The following GEMIN4 variants were observed in gnomAD, a reference collection of about 807,000 sequenced individuals.
GEMIN4 encodes gem nuclear organelle associated protein 4, also known as gem-associated protein 4.
Under a neutral mutation model 76.8 loss-of-function variants are expected in GEMIN4, and 59 were observed. That is an observed-to-expected ratio of 0.77 (90% CI 0.62 to 0.95). GEMIN4 has a LOEUF of 0.95. GEMIN4 is among the 40% of genes least tolerant of loss of function. GEMIN4 has a pLI of 0.00. For missense variants in GEMIN4, 1,311 were observed against 1,318.9 expected (o/e 0.99, Z 0.09); for synonymous variants, 562 against 559.7 (o/e 1.00, Z -0.06).
intron 1 of GEMIN4, chr17:750,081 T>C: frequency 2.7e-6 from 2 of 744,438 alleles, no homozygotes; most frequent in Non-Finnish European, 3.3e-6. Flanking sequence ...TCTGGCCAGG[T>C]TCAGTGGCTA....
At chr17:748,585 G>T in intron 1 of GEMIN4, 1 of 182,812 alleles carries the variant, frequency 5.5e-6, no homozygotes, top group Non-Finnish European at 1.2e-5. Flanking sequence ...AACTACAGGG[G>T]CCACTGAGCA....
At position 749,763 on chromosome 17, in the gene GEMIN4, T is replaced by A. The variant is rs141989651; in HGVS notation, c.11-1731A>T. ...GAGCAATCACATAGCCACAGAGCAA[T>A]GGGCACAGAAGGAATCAGACAAGCC... On this transcript the variant is annotated intron_variant, in intron 1 of 1. Transcript: ENST00000319004. 3.2e-5 allele frequency: 31 copies of A among 960,854 alleles called. No homozygotes were observed. In the African/African-American group the frequency reaches 5.5e-4, roughly 17 times the overall value. 59.5% of individuals were successfully genotyped at this position (960,854 alleles called of 1,614,324 possible).
upstream of GEMIN4, chr17:753,164 G>T (rs1904849860): frequency 8.2e-6 from 1 of 121,948 alleles, no homozygotes; most frequent in Admixed American, 7.9e-5. Flanking sequence ...ACAAAGGGGC[G>T]TGCAAGATGG....
chr17:752,386 G>A, upstream of GEMIN4: 6 of 896,480 alleles, frequency 6.7e-6, no homozygotes, highest in East Asian at 3.4e-5. Context: ...TCAGGTACCC[G>A]GACGTCGCTC....
rs890703589 is a variant in GEMIN4, at chr17:746,070, G to A, written c.1973C>T (p.Pro658Leu). The A allele has an allele frequency of 1.2e-6, 2 of 1,613,838 alleles. No individual in the cohort carries two copies. The highest frequency in any genetic ancestry group is 2.7e-5 in the African/African-American group (2 of 74,926). The change falls in exon 2 of 2, where the codon CCT becomes CTT. Residue 658 changes from proline (P) to leucine (L), a missense_variant. Physicochemically the swap from Pro to Leu is moderately conservative, Grantham distance 98 (BLOSUM62 -3). Around this residue, in one of 2 missense-constraint regions of GEMIN4, gnomAD observed 1,208 missense variants for 1,166.9 expected, o/e 1.04. Coordinates refer to ENST00000319004, the MANE Select transcript of GEMIN4 (RefSeq NM_015721.3). The surrounding 1 kb of genome is among the most constrained non-coding windows in gnomAD (Gnocchi z 4.3). ...CTCTTCAACATCTAACCTCAAGAAA[G>A]GCAGGACAAATTCCTTCAGCACCTC... ...PDEVLKEFVL[P>L]FLRLDVEEVD...
chr17:751,827 G>A, intron 1 of GEMIN4: 1 of 358,968 alleles, frequency 2.8e-6, no homozygotes. Context: ...AGGGGTGCTC[G>A]GAGGGAGCCC....
At chr17:748,504 G>A (rs67456235) in intron 1 of GEMIN4, 33,962 of 175,536 alleles carry the variant, frequency 0.19, 3,883 homozygotes, top group Non-Finnish European at 0.25. Flanking sequence ...CTGCTGAGGC[G>A]AGACCCTCCA....
chr17:751,402 T>A (rs1046466550), intron 1 of GEMIN4, among the ~76,000 whole-genome samples: 1 of 151,884 alleles, frequency 6.6e-6, no homozygotes, highest in Non-Finnish European at 1.5e-5. Context: ...ACCAGACCAT[T>A]TCCCCCCAGC....
intron 1 of GEMIN4, chr17:748,585 G>A (rs1904414933): frequency 5.5e-6 from 1 of 182,812 alleles, no homozygotes; most frequent in Non-Finnish European, 1.2e-5. Context: ...AACTACAGGG[G>A]CCACTGAGCA....
In GEMIN4 at chr17:748,281, G is replaced by A. The variant is rs558029186; in HGVS notation, c.11-249C>T. ...CCAGGTGACATCACATACAGGGAATGGAGGAGAATCAGAGCAGGTGTGAGG... is the reference window on the plus strand; with the variant it reads ...CCAGGTGACATCACATACAGGGAATAGAGGAGAATCAGAGCAGGTGTGAGG... On this transcript the variant is annotated intron_variant, in intron 1 of 1. Coordinates refer to ENST00000319004, the MANE Select transcript of GEMIN4 (RefSeq NM_015721.3). 274 of 511,390 alleles carry A rather than the reference G, an allele frequency of 5.4e-4. 1 individual carries two copies. Among genetic ancestry groups the A allele is most frequent in the African/African-American group, 4.9e-3 (254 of 52,090 alleles). 31.7% of individuals were successfully genotyped at this position (511,390 alleles called of 1,614,324 possible). A position where few individuals can be genotyped will look rare whatever the true frequency, so the allele number is the denominator to read the frequency against.
chr17:747,486 G>A lies in GEMIN4; in HGVS notation c.557C>T (p.Ala186Val), dbSNP rs2144173623. ...ATCTAAGGCAGGCAGGTACTTATGG[G>A]CCATTGCACTAAACTGGGAGAGCAG... Reference protein sequence around the residue: ...DPLLSQFSAMAHKYLPALDEF... With the variant: ...DPLLSQFSAMVHKYLPALDEF... The change falls in exon 2 of 2, where the codon GCC becomes GTC. Residue 186 changes from alanine to valine, a missense_variant. Physicochemically the swap from Ala to Val is moderately conservative, Grantham distance 64. Transcript: ENST00000319004. 1 of 1,613,790 alleles carries A rather than the reference G, an allele frequency of 6.2e-7. No individual in the cohort carries two copies. Among genetic ancestry groups the A allele is most frequent in the Non-Finnish European group, 8.5e-7 (1 of 1,179,764 alleles).
chr17:746,922 T>A lies in GEMIN4; in HGVS notation c.1121A>T (p.Gln374Leu). The change falls in exon 2 of 2, where the codon CAG (glutamine) becomes CTG (leucine). Residue 374 changes from glutamine to leucine, a missense_variant. By Grantham distance (113) the Gln-to-Leu change is moderately radical. Transcript: ENST00000319004. This position sits in a 1 kb window ranked among gnomAD's most constrained non-coding sequence, Gnocchi z 4.3. ...NRTSLSKEDR[Q>L]VVSELAECVR... The stretch of plus-strand genomic sequence containing the variant: ...ACACTCCGCCAGCTCAGAGACCACC[T>A]GCCTGTCCTCCTTGGACAGGCTGGT... 1 of 1,613,620 alleles carries A rather than the reference T, an allele frequency of 6.2e-7. No homozygotes were observed. Among genetic ancestry groups the A allele is most frequent in the Non-Finnish European group, 8.5e-7 (1 of 1,179,698 alleles).
Position 746,976 on chromosome 17 carries a change from C to T in GEMIN4, c.1067G>A (p.Ser356Asn). ...GTTCAGGTAGAGCGTCGCGTTCTGGCTGAAGGAAGTCAGACTGTCGCACAG... is the reference window on the plus strand; with the variant it reads ...GTTCAGGTAGAGCGTCGCGTTCTGGTTGAAGGAAGTCAGACTGTCGCACAG... ...YRLCDSLTSF[S>N]QNATLYLNRT... The change falls in exon 2 of 2, where the codon AGC becomes AAC. Residue 356 changes from serine to asparagine, a missense_variant. Ser to Asn is a conservative substitution (Grantham distance 46, BLOSUM62 1). Coordinates refer to ENST00000319004, the MANE Select transcript of GEMIN4 (RefSeq NM_015721.3). This position sits in a 1 kb window ranked among gnomAD's most constrained non-coding sequence, Gnocchi z 4.3. The T allele has an allele frequency of 6.2e-7, 1 of 1,613,236 alleles. No individual in the cohort carries two copies. Among genetic ancestry groups the T allele is most frequent in the East Asian group, 2.2e-5 (1 of 44,876 alleles).
Position 747,151 on chromosome 17 carries a change from G to C in GEMIN4, c.892C>G (p.Arg298Gly), listed in dbSNP as rs201812530. ...ALAEKVKEAE[R>G]DVSLTSLAKL... ...GCCAGCGAGGTCAGGCTGACATCCC[G>C]TTCTGCCTCCTTCACCTTCTCTGCC... Residue 298 changes from arginine (R) to glycine (G), a missense_variant, in exon 2 of 2, where the codon CGG becomes GGG. By Grantham distance (125) the Arg-to-Gly change is moderately radical (BLOSUM62 -2). Coordinates refer to ENST00000319004, the MANE Select transcript of GEMIN4 (RefSeq NM_015721.3). 2 of 1,613,704 alleles carry C rather than the reference G, an allele frequency of 1.2e-6. No homozygotes were observed. The highest frequency in any genetic ancestry group is 1.1e-5 in the South Asian group (1 of 91,084).
chr17:752,686 T>A (rs997461932), upstream of GEMIN4: 62 of 981,796 alleles, frequency 6.3e-5, no homozygotes, highest in Non-Finnish European at 7.3e-5. Context: ...AGACGCTTTT[T>A]GACGGCTGGT....
rs1974362035 is a variant in GEMIN4, at chr17:745,534, C to T, written c.2509G>A (p.Val837Met). The T allele has an allele frequency of 3.7e-6, 6 of 1,612,456 alleles. No individual in the cohort carries two copies. Among genetic ancestry groups the T allele is most frequent in the African/African-American group, 2.7e-5 (2 of 74,886 alleles). ...GISERMLSLLVVDVGNPEEVR... is the reference protein window; with the variant it reads ...GISERMLSLLMVDVGNPEEVR... ...TCCTCAGGATTGCCCACGTCCACCACCAAGAGAGACAGCATCCTCTCCGAG... is the reference window on the plus strand; with the variant it reads ...TCCTCAGGATTGCCCACGTCCACCATCAAGAGAGACAGCATCCTCTCCGAG... The change falls in exon 2 of 2, where the codon GTG becomes ATG. Residue 837 changes from valine to methionine, a missense_variant. This residue lies in a region of GEMIN4 where 1,208 missense variants were observed against 1,166.9 expected (regional missense o/e 1.04). Transcript: ENST00000319004. The surrounding 1 kb of genome is among the most constrained non-coding windows in gnomAD (Gnocchi z 4.6).
rs371089123 is a variant in GEMIN4, at chr17:752,175, G to T, written c.-33C>A. ...ACGCCGGCGGCTGCGCGGGGCTAACGCCCCCTCCCCTCCGAGAACTCGAAC... is the reference window on the plus strand; with the variant it reads ...ACGCCGGCGGCTGCGCGGGGCTAACTCCCCCTCCCCTCCGAGAACTCGAAC... On this transcript the variant is annotated 5_prime_UTR_variant, in exon 1 of 2. Transcript: ENST00000319004. 3.9e-4 allele frequency: 486 copies of T among 1,233,352 alleles called. 1 individual carries two copies. The African/African-American group carries it at 6.9e-3, about 17-fold the overall frequency. The allele number at this position is 1,233,352 out of a possible 1,614,324, so 76.4% of individuals were successfully genotyped here. A position where few individuals can be genotyped will look rare whatever the true frequency, so the allele number is the denominator to read the frequency against.
chr17:751,741 GTAAGACACTTGGAGCGT>G (rs1475563465), intron 1 of GEMIN4: 2 of 228,232 alleles, frequency 8.8e-6, no homozygotes, highest in Non-Finnish European at 1.7e-5. Flanking sequence ...CGTCATGAGC[GTAAGACACTTGGAGCGT>G]TAAGACACTT....
rs1250293416 is a variant in GEMIN4 at position 746,449 on chromosome 17, G to A, written c.1594C>T (p.Gln532Ter). The change falls in exon 2 of 2, where the codon CAG becomes TAG. Residue 532 changes from glutamine to a stop codon, truncating the protein, a stop_gained. Coordinates refer to ENST00000319004, the MANE Select transcript of GEMIN4 (RefSeq NM_015721.3). LOFTEE classifies it high-confidence loss of function. This position sits in a 1 kb window ranked among gnomAD's most constrained non-coding sequence, Gnocchi z 4.3. ...TGTTCGGAGGCACTCTGAGTGAGCT[G>A]GTTAAAAGTTGTATTGAGGTCTTCC... is the stretch of plus-strand genomic sequence containing the variant. ...FQEDLNTTFNQLTQSASEQGL... is the reference protein window; with the variant it reads ...FQEDLNTTFN 1.9e-6 allele frequency: 3 copies of A among 1,614,002 alleles called. No homozygotes were observed. Among genetic ancestry groups the A allele is most frequent in the South Asian group, 1.1e-5 (1 of 91,086 alleles).
Sources: allele counts gnomAD v4.1 joint callset (sites outside exome capture counted in the v4.1 genomes callset), GRCh38; gene constraint gnomAD v4.1.1; regional missense constraint gnomAD v4.1.1; non-coding constraint Gnocchi (gnomAD v3.1); transcripts MANE v1.5; gene names NCBI Gene and HGNC (gene_info 2026-07-23, HGNC 2026-07-21).